CADM1: variants seen among roughly 807,000 people sequenced by gnomAD.
CADM1 encodes cell adhesion molecule 1, also known as TSLC-1.
CADM1 carries 15 observed loss-of-function variants against 53.1 expected under a neutral mutation model. The ratio of observed to expected loss-of-function variants is 0.28; its 90% CI spans 0.19 to 0.44. CADM1 has a LOEUF of 0.44. CADM1 is among the 20% of genes least tolerant of loss of function. The pLI, the probability that CADM1 is intolerant of heterozygous loss-of-function variation, is 1.00. For synonymous variants in CADM1, 281 were observed against 243.0 expected, an observed-to-expected ratio of 1.16 and a Z score of -1.45; for missense variants, 434 against 611.3, an observed-to-expected ratio of 0.71 and a Z score of 3.06.
chr11:115,358,590 T>C (rs550949526), intron 1 of CADM1, among the ~76,000 whole-genome samples: 1 of 152,296 alleles, frequency 6.6e-6, no homozygotes, highest in East Asian at 1.9e-4. Context: ...CGATTCAAGA[T>C]GAGATTTGGG....
intron 1 of CADM1, among the ~76,000 whole-genome samples, chr11:115,373,580 T>C (rs1352576757): frequency 2.9e-5 from 2 of 67,810 alleles, no homozygotes; most frequent in South Asian, 5.3e-4. Flanking sequence ...CAAGACTCTG[T>C]CTCAAAAAAA....
intron 1 of CADM1, among the ~76,000 whole-genome samples, chr11:115,406,577 A>G (rs1328368757): frequency 6.7e-6 from 1 of 148,192 alleles, no homozygotes; most frequent in African/African-American, 2.4e-5. Flanking sequence ...AATATTATAT[A>G]CCTTATTATA....
intron 1 of CADM1, among the ~76,000 whole-genome samples, chr11:115,427,513 A>G (rs1436201313): frequency 6.6e-6 from 1 of 152,196 alleles, no homozygotes; most frequent in Admixed American, 6.5e-5. Flanking sequence ...GATGATAGAT[A>G]GATGGATAGA....
intron 1 of CADM1, among the ~76,000 whole-genome samples, chr11:115,407,910 AGAGTT>A (rs796521779): frequency 1.7e-3 from 237 of 135,632 alleles, no homozygotes; most frequent in African/African-American, 5.7e-3. Context: ...AAAAAAAGGC[AGAGTT>A]GAGTTGAGTT....
At chr11:115,177,793 A>C (rs942681671) in intron 11 of CADM1, among the ~76,000 whole-genome samples, 6 of 151,738 alleles carry the variant, frequency 4.0e-5, no homozygotes, top group Admixed American at 3.9e-4. Flanking sequence ...TGAGACAGGC[A>C]CTCTGTATCC....
At chr11:115,390,478 G>A (rs1005321019) in intron 1 of CADM1, among the ~76,000 whole-genome samples, 8 of 151,630 alleles carry the variant, frequency 5.3e-5, no homozygotes, top group Middle Eastern at 6.8e-3. Context: ...AGGGAGAGAA[G>A]GAGAAAAGCA....
At position 115,316,497 on chromosome 11, in the gene CADM1, A is replaced by G. The variant is rs150223306; in HGVS notation, c.125-76077T>C. Among the ~76,000 whole-genome samples, 145 of 152,270 alleles carry G rather than the reference A, an allele frequency of 9.5e-4. 2 individuals carry two copies. In the South Asian group the frequency reaches 0.011, roughly 12 times the overall value. On this transcript the variant is annotated intron_variant, in intron 1 of 11. Coordinates refer to ENST00000331581, the MANE Select transcript of CADM1 (RefSeq NM_001301043.2). ...TCCGAGGCGGAATTCCGATCCTTCCATTTGGCACCTCCTCTTGCTAAAGCC... is the reference window on the plus strand; with the variant it reads ...TCCGAGGCGGAATTCCGATCCTTCCGTTTGGCACCTCCTCTTGCTAAAGCC...
chr11:115,327,924 GTTCT>G (rs2135205054), intron 1 of CADM1, among the ~76,000 whole-genome samples: 1 of 152,026 alleles, frequency 6.6e-6, no homozygotes, highest in African/African-American at 2.4e-5. Context: ...ATGCTATATG[GTTCT>G]TTGTCTGTCT....
rs1949745215 is a variant in CADM1, at chr11:115,502,326, G to GA, written c.124+1944_124+1945insT. Among the ~76,000 whole-genome samples the GA allele has an allele frequency of 6.6e-5, 7 of 106,220 alleles. 1 individual carries two copies. Among genetic ancestry groups the GA allele is most frequent in the African/African-American group, 2.5e-4 (7 of 28,074 alleles). 69.7% of individuals were successfully genotyped at this position (106,220 alleles called of 152,430 possible). A position where few individuals can be genotyped will look rare whatever the true frequency, so the allele number is the denominator to read the frequency against. ...GACCACAGCTTTCCACCGCCCCCCG[G>GA]CTTTTTTTTTTTTTTTTTTTTTTTT... On this transcript the variant is annotated intron_variant, in intron 1 of 11. Transcript: ENST00000331581.
rs774307195 is a variant in CADM1, at chr11:115,169,358, A to G, written c.*7116T>C. ...TCTGCAAGGAAATCTATTATTTTCCATAAACTGTCTTAAGCATCTCCCGGG... is the reference window on the plus strand; with the variant it reads ...TCTGCAAGGAAATCTATTATTTTCCGTAAACTGTCTTAAGCATCTCCCGGG... On this transcript the variant is annotated 3_prime_UTR_variant, in exon 12 of 12. Transcript: ENST00000331581. 5 of 314,408 alleles carry G rather than the reference A, an allele frequency of 1.6e-5. No homozygotes were observed. The highest frequency in any genetic ancestry group is 3.2e-5 in the Non-Finnish European group (5 of 158,646). The allele number at this position is 314,408 out of a possible 1,614,324, so 19.5% of individuals were successfully genotyped here.
intron 1 of CADM1, among the ~76,000 whole-genome samples, chr11:115,317,554 T>C (rs1247131852): frequency 2.0e-5 from 3 of 152,172 alleles, no homozygotes; most frequent in Non-Finnish European, 4.4e-5. Flanking sequence ...ACGTGTTAAG[T>C]TTATTTTTGT....
chr11:115,474,494 T>C (rs1365035814), intron 1 of CADM1, among the ~76,000 whole-genome samples: 2 of 151,556 alleles, frequency 1.3e-5, no homozygotes, highest in African/African-American at 4.9e-5. Flanking sequence ...GTGGCACATA[T>C]ACACCATGGA....
At chr11:115,350,391 A>G (rs1945698190) in intron 1 of CADM1, among the ~76,000 whole-genome samples, 1 of 152,212 alleles carries the variant, frequency 6.6e-6, no homozygotes, top group South Asian at 2.1e-4. Context: ...ATTAAAGGGA[A>G]GGAGGGAAGA....
At chr11:115,249,833 A>G (rs1423177448) in intron 1 of CADM1, among the ~76,000 whole-genome samples, 1 of 152,206 alleles carries the variant, frequency 6.6e-6, no homozygotes, top group Admixed American at 6.5e-5. Flanking sequence ...GGTCTCTTCT[A>G]CTTTAATGGA....
intron 1 of CADM1, among the ~76,000 whole-genome samples, chr11:115,477,877 A>T (rs552806518): frequency 6.6e-6 from 1 of 152,250 alleles, no homozygotes; most frequent in South Asian, 2.1e-4. Context: ...AGAAAATTGC[A>T]TCCAGATGAA....
intron 1 of CADM1, among the ~76,000 whole-genome samples, chr11:115,344,169 T>C (rs1224252830): frequency 7.9e-6 from 1 of 127,070 alleles, no homozygotes; most frequent in Non-Finnish European, 1.6e-5. Context: ...GGACACAGAA[T>C]TCAAGTTGAC....
chr11:115,181,660 A>G (rs76711099), intron 10 of CADM1, among the ~76,000 whole-genome samples: 8,223 of 152,302 alleles, frequency 0.054, 242 homozygotes, highest in Middle Eastern at 0.11. Context: ...GGAGGTGTTA[A>G]TAGAGTTGTG....
At chr11:115,312,707 C>A (rs1397736419) in intron 1 of CADM1, among the ~76,000 whole-genome samples, 1 of 152,130 alleles carries the variant, frequency 6.6e-6, no homozygotes, top group Non-Finnish European at 1.5e-5. Flanking sequence ...AATTAAGTGT[C>A]TAGTTGTGCT....
chr11:115,390,377 G>A (rs148684284), intron 1 of CADM1, among the ~76,000 whole-genome samples: 3 of 151,834 alleles, frequency 2.0e-5, no homozygotes, highest in Non-Finnish European at 4.4e-5. Flanking sequence ...GAAAGGGTTG[G>A]GGGGCAGGGA....
Sources: gnomAD v4.1 joint callset for allele counts (sites outside exome capture counted in the v4.1 genomes callset) on GRCh38, gnomAD v4.1.1 for gene constraint, MANE v1.5 for transcripts, NCBI Gene and HGNC (gene_info 2026-07-23, HGNC 2026-07-21) for gene names.